The following ANKS1B variants were observed in gnomAD, a reference collection of about 807,000 sequenced individuals.
ANKS1B encodes ankyrin repeat and sterile alpha motif domain-containing protein 1B.
ANKS1B carries 36 observed loss-of-function variants against 148.3 expected under a neutral mutation model. The ratio of observed to expected loss-of-function variants is 0.24; its 90% CI spans 0.19 to 0.32. The LOEUF (loss-of-function observed/expected upper bound fraction) is 0.32, where lower values mean the gene tolerates loss of function less well. ANKS1B is among the 10% of genes least tolerant of loss of function. The pLI is 1.00. For missense variants in ANKS1B, 1,157 were observed against 1,542.6 expected (o/e 0.75, Z 4.19); for synonymous variants, 542 against 560.8 (o/e 0.97, Z 0.47).
At chr12:99,704,453 T>C (rs2055385959) in intron 8 of ANKS1B, among the ~76,000 whole-genome samples, 1 of 152,100 alleles carries the variant, frequency 6.6e-6, no homozygotes, top group African/African-American at 2.4e-5. Context: ...TCTGAAACAG[T>C]CTAGAAATAG....
chr12:99,754,018 C>T (rs898167546), intron 8 of ANKS1B, among the ~76,000 whole-genome samples: 5 of 151,630 alleles, frequency 3.3e-5, no homozygotes, highest in African/African-American at 1.2e-4. Flanking sequence ...AGCAAAACTC[C>T]ATCTCAAAAA....
intron 9 of ANKS1B, among the ~76,000 whole-genome samples, chr12:99,534,805 G>A (rs11109906): frequency 6.7e-6 from 1 of 149,780 alleles, no homozygotes; most frequent in Non-Finnish European, 1.5e-5. Flanking sequence ...CACCTCCCGG[G>A]TTTACCCCAT....
chr12:99,503,164 T>C (rs1019355292), intron 10 of ANKS1B, among the ~76,000 whole-genome samples: 6 of 152,180 alleles, frequency 3.9e-5, no homozygotes, highest in African/African-American at 1.2e-4. Flanking sequence ...TTTGAACTCC[T>C]GAGCTCAAGT....
intron 8 of ANKS1B, among the ~76,000 whole-genome samples, chr12:99,677,433 G>A (rs2098583678): frequency 6.6e-6 from 1 of 152,112 alleles, no homozygotes; most frequent in Non-Finnish European, 1.5e-5. Context: ...TTTTTTGGAG[G>A]AGAGGAAAGG....
At chr12:99,439,570 T>C (rs1158202360) in intron 11 of ANKS1B, among the ~76,000 whole-genome samples, 1 of 151,714 alleles carries the variant, frequency 6.6e-6, no homozygotes, top group East Asian at 1.9e-4. Flanking sequence ...TGATCATTAG[T>C]CACCAGAAAA....
chr12:99,511,766 A>G (rs2096768497), intron 9 of ANKS1B, among the ~76,000 whole-genome samples: 1 of 152,060 alleles, frequency 6.6e-6, no homozygotes, highest in South Asian at 2.1e-4. Context: ...TCACACATCT[A>G]CAACAATCTG....
rs573096385 is a variant in ANKS1B, at chr12:99,984,732, C to T, written c.-495G>A. The stretch of plus-strand genomic sequence containing the variant: ...CTCGCCTCGGCTTCCTCGGCGGTTA[C>T]GCGGGGGCGGCGTCCGCGGCGGGGA... On this transcript the variant is annotated 5_prime_UTR_variant, in exon 1 of 27. Coordinates refer to ENST00000683438, the MANE Select transcript of ANKS1B (RefSeq NM_001352186.2). 5.9e-3 allele frequency: 897 copies of T among 151,330 alleles called. 6 individuals carry two copies. The highest frequency in any genetic ancestry group is 8.4e-3 in the Non-Finnish European group (573 of 67,878). The allele number at this position is 151,330 out of a possible 1,614,324, so 9.4% of individuals were successfully genotyped here.
chr12:99,474,941 A>C (rs1052104146), intron 10 of ANKS1B, among the ~76,000 whole-genome samples: 1 of 152,072 alleles, frequency 6.6e-6, no homozygotes, highest in Non-Finnish European at 1.5e-5. Context: ...AAGCCTCTAT[A>C]AAACTCAAAA....
chr12:99,887,070 C>T (rs1252220638), intron 1 of ANKS1B, among the ~76,000 whole-genome samples: 1 of 152,172 alleles, frequency 6.6e-6, no homozygotes, highest in Non-Finnish European at 1.5e-5. Context: ...AATGTAGCAT[C>T]CTACAGTGTA....
intron 9 of ANKS1B, among the ~76,000 whole-genome samples, chr12:99,542,736 A>T (rs2153129558): frequency 6.6e-6 from 1 of 152,262 alleles, no homozygotes; most frequent in South Asian, 2.1e-4. Context: ...TCAATAGAAA[A>T]AATAGTTTTT....
rs1206603462 is a variant in ANKS1B, at chr12:99,628,654, A to AT, written c.1272+26412dup. Among the ~76,000 whole-genome samples, 5 of 152,302 alleles carry AT rather than the reference A, an allele frequency of 3.3e-5. No individual in the cohort carries two copies. The South Asian group carries it at 1.0e-3, about 32-fold the overall frequency. ...TTCAGACTGGGTAATTTATTCAAAAATTAGAGATTTATTTGGCTCACAGTT... is the reference window on the plus strand; with the variant it reads ...TTCAGACTGGGTAATTTATTCAAAAATTTAGAGATTTATTTGGCTCACAGTT... On this transcript the variant is annotated intron_variant, in intron 9 of 26. Coordinates refer to ENST00000683438, the MANE Select transcript of ANKS1B (RefSeq NM_001352186.2).
chr12:99,573,368 A>G (rs2097482200), intron 9 of ANKS1B, among the ~76,000 whole-genome samples: 1 of 152,116 alleles, frequency 6.6e-6, no homozygotes, highest in South Asian at 2.1e-4. Flanking sequence ...ATATGAGATG[A>G]TTGATTTTTT....
At chr12:98,963,945 C>A in intron 17 of ANKS1B, among the ~76,000 whole-genome samples, 1 of 151,986 alleles carries the variant, frequency 6.6e-6, no homozygotes, top group East Asian at 1.9e-4. Flanking sequence ...ACTAAAAATA[C>A]AAAATTAGCT....
At chr12:99,648,633 T>A in intron 9 of ANKS1B, 1 of 1,614,210 alleles carries the variant, frequency 6.2e-7, no homozygotes, top group Non-Finnish European at 8.5e-7. Flanking sequence ...TTCAGCTGTG[T>A]CCTCCATCGG....
chr12:99,575,088 T>C (rs575589860), intron 9 of ANKS1B, among the ~76,000 whole-genome samples: 4 of 151,950 alleles, frequency 2.6e-5, no homozygotes, highest in Non-Finnish European at 5.9e-5. Context: ...ACAAGGTCAA[T>C]ATATATCAGT....
intron 9 of ANKS1B, among the ~76,000 whole-genome samples, chr12:99,528,434 A>AAAC (rs1358281766): frequency 2.1e-5 from 2 of 97,450 alleles, no homozygotes; most frequent in African/African-American, 9.1e-5. Flanking sequence ...AACAAAAACA[A>AAAC]AAAAAAAAAC....
chr12:99,060,087 G>A (rs2041885172), intron 16 of ANKS1B, among the ~76,000 whole-genome samples: 1 of 151,976 alleles, frequency 6.6e-6, no homozygotes, highest in Non-Finnish European at 1.5e-5. Context: ...CTCGCAACAA[G>A]GCAATTTGAT....
chr12:99,832,478 C>A (rs2084168982), intron 1 of ANKS1B, among the ~76,000 whole-genome samples: 1 of 151,864 alleles, frequency 6.6e-6, no homozygotes, highest in African/African-American at 2.4e-5. Flanking sequence ...AATCCCAGCA[C>A]TTTGGGAGGC....
intron 17 of ANKS1B, among the ~76,000 whole-genome samples, chr12:98,863,558 T>C (rs753307816): frequency 1.3e-5 from 2 of 152,222 alleles, no homozygotes; most frequent in African/African-American, 2.4e-5. Flanking sequence ...TCTCCTTTTA[T>C]TGAATAAAGT....
Sources: allele counts gnomAD v4.1 joint callset (sites outside exome capture counted in the v4.1 genomes callset), GRCh38; gene constraint gnomAD v4.1.1; transcripts MANE v1.5; gene names NCBI Gene and HGNC (gene_info 2026-07-23, HGNC 2026-07-21).